The following TCEA3 variants were observed in gnomAD, a reference collection of about 807,000 sequenced individuals.
The protein encoded by TCEA3 is transcription elongation factor A3.
Under a neutral mutation model 44.0 loss-of-function variants are expected in TCEA3, and 36 were observed. That is an observed-to-expected ratio of 0.82 (90% CI 0.63 to 1.08). The LOEUF is 1.08. TCEA3 is among the 50% of genes least tolerant of loss of function. TCEA3 has a pLI of 0.00. For synonymous variants in TCEA3, 162 were observed against 159.7 expected, an observed-to-expected ratio of 1.01 and a Z score of -0.11; for missense variants, 392 against 441.2, an observed-to-expected ratio of 0.89 and a Z score of 1.00.
intron 5 of TCEA3, among the ~76,000 whole-genome samples, chr1:23,398,995 T>C (rs1558042308): frequency 1.3e-5 from 2 of 151,574 alleles, no homozygotes; most frequent in African/African-American, 4.8e-5. Flanking sequence ...CTAAAACTCC[T>C]GGACTCAAGC....
At chr1:23,415,290 T>C (rs1639857886) in intron 4 of TCEA3, among the ~76,000 whole-genome samples, 1 of 152,142 alleles carries the variant, frequency 6.6e-6, no homozygotes, top group Admixed American at 6.5e-5. Context: ...CCCAAAGCGC[T>C]GGGATTACAG....
At chr1:23,407,919 GCTTT>G (rs1418383088) in intron 5 of TCEA3, among the ~76,000 whole-genome samples, 2 of 152,000 alleles carry the variant, frequency 1.3e-5, no homozygotes, top group Admixed American at 1.3e-4. Flanking sequence ...CCAGGTATAG[GCTTT>G]CTTTCTTTTT....
chr1:23,420,082 T>C (rs748280558), intron 1 of TCEA3, among the ~76,000 whole-genome samples: 12 of 152,204 alleles, frequency 7.9e-5, no homozygotes, highest in Non-Finnish European at 1.6e-4. Context: ...ATAGTTGACC[T>C]TGTATCTTTA....
chr1:23,384,318 G>T, intron 10 of TCEA3, 28 bp downstream of exon 10: 2 of 1,613,824 alleles, frequency 1.2e-6, no homozygotes, highest in East Asian at 2.2e-5. Context: ...GGATAACAGG[G>T]AAGGGGGAAA....
intron 9 of TCEA3, among the ~76,000 whole-genome samples, chr1:23,387,040 A>G (rs1638864088): frequency 6.6e-6 from 1 of 151,238 alleles, no homozygotes. Flanking sequence ...TTTAGTAGAG[A>G]TGGGGTTTCA....
chr1:23,386,612 C>T (rs1288752948), intron 9 of TCEA3, among the ~76,000 whole-genome samples: 4 of 152,088 alleles, frequency 2.6e-5, no homozygotes, highest in African/African-American at 9.7e-5. Flanking sequence ...GGCTGGAGTA[C>T]AGTGGTGCAA....
At chr1:23,408,245 A>T (rs1639606313) in intron 5 of TCEA3, among the ~76,000 whole-genome samples, 1 of 152,156 alleles carries the variant, frequency 6.6e-6, no homozygotes, top group African/African-American at 2.4e-5. Flanking sequence ...TACAGGCATG[A>T]GCCACTGTGC....
chr1:23,398,022 T>C, intron 5 of TCEA3, 67 bp from the exon 6 acceptor site: 1 of 1,562,810 alleles, frequency 6.4e-7, no homozygotes, highest in Non-Finnish European at 8.7e-7. Flanking sequence ...AGCAGCATTC[T>C]AGATGTCTTG....
intron 3 of TCEA3, 118 bp from the exon 4 acceptor site, chr1:23,417,508 A>C: frequency 7.1e-7 from 1 of 1,411,776 alleles, no homozygotes; most frequent in East Asian, 2.5e-5. Context: ...CACACTCCCA[A>C]CACACACACA....
intron 1 of TCEA3, among the ~76,000 whole-genome samples, chr1:23,421,387 A>T (rs1640060940): frequency 6.6e-6 from 1 of 152,174 alleles, no homozygotes; most frequent in East Asian, 1.9e-4. Flanking sequence ...GGCTCTAACC[A>T]CTATACAAAT....
chr1:23,394,549 A>G (rs780140172), intron 7 of TCEA3, among the ~76,000 whole-genome samples: 38 of 152,208 alleles, frequency 2.5e-4, no homozygotes, highest in Non-Finnish European at 5.0e-4. Flanking sequence ...TAAGAGCCAC[A>G]TGTTTAAGGC....
chr1:23,424,712 G>A lies in TCEA3; in HGVS notation c.-79C>T, dbSNP rs1640170913. The A allele has an allele frequency of 1.7e-6, 2 of 1,176,184 alleles. No individual in the cohort carries two copies. Among genetic ancestry groups the A allele is most frequent in the Non-Finnish European group, 2.4e-6 (2 of 822,804 alleles). The allele number at this position is 1,176,184 out of a possible 1,614,324, so 72.9% of individuals were successfully genotyped here. ...CGGGGGCAGGAGGCGCGAAGGCGGA[G>A]GGCGCGCAACCCGCGCGGGCCCCAA... On this transcript the variant is annotated 5_prime_UTR_variant, in exon 1 of 11. Transcript: ENST00000450454.
intron 8 of TCEA3, among the ~76,000 whole-genome samples, chr1:23,390,588 T>C (rs974563810): frequency 1.1e-4 from 17 of 152,254 alleles, no homozygotes; most frequent in African/African-American, 3.6e-4. Context: ...ATGGGAGATG[T>C]GGCTGGAGGT....
chr1:23,395,328 C>T (rs578121282), intron 7 of TCEA3, among the ~76,000 whole-genome samples: 4 of 152,326 alleles, frequency 2.6e-5, no homozygotes, highest in East Asian at 1.9e-4. Flanking sequence ...ACAGAGGGGA[C>T]GAGGCAGAGA....
intron 7 of TCEA3, among the ~76,000 whole-genome samples, chr1:23,395,864 G>A (rs768602594): frequency 5.3e-5 from 8 of 151,714 alleles, no homozygotes; most frequent in Non-Finnish European, 1.0e-4. Flanking sequence ...AGTGGATGGA[G>A]GAAAGGCTGG....
At position 23,398,786 on chromosome 1, in the gene TCEA3, G is replaced by GTC. The variant is rs372941226; in HGVS notation, c.444-833_444-832dup. On this transcript the variant is annotated intron_variant, in intron 5 of 10. Coordinates refer to ENST00000450454, the MANE Select transcript of TCEA3 (RefSeq NM_003196.3). The stretch of plus-strand genomic sequence containing the variant: ...AATTTATTTTATTTTTTGAGACAGG[G>GTC]TCTCTCTCTCTCTCTCTGTCACCCA... Among the ~76,000 whole-genome samples, 564 of 149,520 alleles carry GTC rather than the reference G, an allele frequency of 3.8e-3. 1 individual carries two copies. Among genetic ancestry groups the GTC allele is most frequent in the African/African-American group, 0.013 (513 of 40,964 alleles).
rs532463420 is a variant in TCEA3, at chr1:23,401,956, C to T, written c.444-4001G>A. ...AAACCATCCCCTACAAACCCTGGTC[C>T]ATGGAAAAACCGTCTTCTATGAAAC... is the stretch of plus-strand genomic sequence containing the variant. On this transcript the variant is annotated intron_variant, in intron 5 of 10. Transcript: ENST00000450454. 3.9e-5 allele frequency among the ~76,000 whole-genome samples: 6 copies of T among 152,296 alleles called. No individual in the cohort carries two copies. In the South Asian group the frequency reaches 1.2e-3, roughly 32 times the overall value.
At position 23,397,780 on chromosome 1, in the gene TCEA3, A is replaced by G. The variant is rs1046631683; in HGVS notation, c.607+12T>C. 3 of 1,613,866 alleles carry G rather than the reference A, an allele frequency of 1.9e-6. No individual in the cohort carries two copies. The highest frequency in any genetic ancestry group is 2.7e-5 in the African/African-American group (2 of 75,006). Reference sequence around the variant, plus strand: ...TCCTTCCCTCCCTCATCCCTAGCCCAGGCTCTCTCACCGTCCGCCTTCAGG... The same window carrying G: ...TCCTTCCCTCCCTCATCCCTAGCCCGGGCTCTCTCACCGTCCGCCTTCAGG... On this transcript the variant is annotated intron_variant, in intron 6 of 10. Transcript: ENST00000450454.
chr1:23,401,856 T>C (rs1639405564), intron 5 of TCEA3, among the ~76,000 whole-genome samples: 2 of 151,922 alleles, frequency 1.3e-5, no homozygotes, highest in South Asian at 4.2e-4. Context: ...GAACTGCGCA[T>C]GTGAGGGATC....
Sources: allele counts gnomAD v4.1 joint callset (sites outside exome capture counted in the v4.1 genomes callset), GRCh38; gene constraint gnomAD v4.1.1; transcripts MANE v1.5; gene names NCBI Gene and HGNC (gene_info 2026-07-23, HGNC 2026-07-21).